The following PIK3C2G variants were observed in gnomAD, a reference collection of about 807,000 sequenced individuals.
PIK3C2G encodes phosphatidylinositol 3-kinase C2 domain-containing subunit gamma.
A neutral mutation model predicts 181.1 loss-of-function variants in PIK3C2G; 168 were observed. The ratio of observed to expected loss-of-function variants is 0.93; its 90% CI spans 0.82 to 1.05. The LOEUF is 1.05. Among genes scored for constraint, PIK3C2G ranks in the 50% least tolerant of loss-of-function variants. The pLI, the probability that PIK3C2G is intolerant of heterozygous loss-of-function variation, is 0.00. For synonymous variants in PIK3C2G, 573 were observed against 592.2 expected, an observed-to-expected ratio of 0.97 and a Z score of 0.47; for missense variants, 1,869 against 1,732.8, an observed-to-expected ratio of 1.08 and a Z score of -1.40.
At chr12:18,596,594 A>G (rs1014026299) in intron 30 of PIK3C2G, among the ~76,000 whole-genome samples, 2 of 152,178 alleles carry the variant, frequency 1.3e-5, no homozygotes, top group African/African-American at 2.4e-5. Flanking sequence ...GGAGTAGAAC[A>G]TGATCAAACA....
chr12:18,330,283 C>T (rs1045599351), intron 8 of PIK3C2G, among the ~76,000 whole-genome samples: 1 of 152,066 alleles, frequency 6.6e-6, no homozygotes, highest in Admixed American at 6.6e-5. Flanking sequence ...ATTTGCATTA[C>T]AAGAGAAAAT....
the PIK3C2G span, among the ~76,000 whole-genome samples, chr12:18,711,993 A>G: frequency 6.6e-6 from 1 of 152,122 alleles, no homozygotes; most frequent in East Asian, 1.9e-4. Flanking sequence ...AAATTTATAT[A>G]AATTTGTGAT....
At chr12:18,361,533 G>GA (rs35694150) in intron 11 of PIK3C2G, among the ~76,000 whole-genome samples, 27,000 of 146,156 alleles carry the variant, frequency 0.18, 2,706 homozygotes, top group Admixed American at 0.3. Flanking sequence ...GCTTCCCACT[G>GA]AAAAAAAAAA....
At chr12:18,445,592 A>G (rs1339869102) in intron 18 of PIK3C2G, among the ~76,000 whole-genome samples, 1 of 152,180 alleles carries the variant, frequency 6.6e-6, no homozygotes, top group African/African-American at 2.4e-5. Context: ...AATGCTAATT[A>G]CAGATCTACT....
At position 18,648,361 on chromosome 12, in the gene PIK3C2G, A is replaced by AT. The variant is rs1211386837; in HGVS notation, c.*338dup. On this transcript the variant is annotated 3_prime_UTR_variant, in exon 33 of 33. Coordinates refer to ENST00000538779, the MANE Select transcript of PIK3C2G (RefSeq NM_001288772.2). ...TTGTGTGCCTACAGTTAAAAGCAGT[A>AT]TTTTTAATGTATTTTATAAGAAAGA... is the stretch of plus-strand genomic sequence containing the variant. 4 of 224,922 alleles carry AT rather than the reference A, an allele frequency of 1.8e-5. No individual in the cohort carries two copies. The highest frequency in any genetic ancestry group is 3.5e-5 in the Non-Finnish European group (4 of 113,012). 13.9% of individuals were successfully genotyped at this position (224,922 alleles called of 1,614,324 possible).
intron 26 of PIK3C2G, among the ~76,000 whole-genome samples, chr12:18,551,917 C>T (rs1427932493): frequency 2.0e-5 from 3 of 152,108 alleles, no homozygotes; most frequent in African/African-American, 7.2e-5. Flanking sequence ...TAACTAGTTG[C>T]CTTTGTCCTT....
At chr12:18,276,993 G>T (rs1949013455) in intron 1 of PIK3C2G, among the ~76,000 whole-genome samples, 1 of 152,164 alleles carries the variant, frequency 6.6e-6, no homozygotes, top group Non-Finnish European at 1.5e-5. Context: ...AGCTAATCAA[G>T]ACTGTGTAAA....
chr12:18,352,580 T>A (rs1049229369), intron 11 of PIK3C2G, among the ~76,000 whole-genome samples: 55 of 152,228 alleles, frequency 3.6e-4, no homozygotes, highest in African/African-American at 1.2e-3. Context: ...CGCAGATGAC[T>A]TAAGTGTTTA....
intron 1 of PIK3C2G, among the ~76,000 whole-genome samples, chr12:18,274,083 C>T (rs975923913): frequency 1.3e-5 from 2 of 152,110 alleles, no homozygotes; most frequent in African/African-American, 4.8e-5. Flanking sequence ...CAGAGAAATG[C>T]AAATCAAAAC....
the PIK3C2G span, chr12:18,693,522 G>A: frequency 2.4e-5 from 38 of 1,611,822 alleles, no homozygotes; most frequent in South Asian, 3.7e-4. Context: ...ACTTTCTTGA[G>A]AGTGGTTGGC....
intron 11 of PIK3C2G, among the ~76,000 whole-genome samples, chr12:18,354,554 T>C (rs1333919104): frequency 6.6e-6 from 1 of 152,228 alleles, no homozygotes; most frequent in Non-Finnish European, 1.5e-5. Context: ...CCTGCACATA[T>C]GGGGTCTCAG....
chr12:18,527,546 A>G (rs1943306231), intron 24 of PIK3C2G, among the ~76,000 whole-genome samples: 1 of 152,128 alleles, frequency 6.6e-6, no homozygotes, highest in African/African-American at 2.4e-5. Context: ...TTCACCCAAG[A>G]GTTATAGCAT....
the PIK3C2G span, among the ~76,000 whole-genome samples, chr12:18,713,415 A>G: frequency 6.6e-6 from 1 of 152,206 alleles, no homozygotes; most frequent in African/African-American, 2.4e-5. Context: ...AAATATATTA[A>G]TAAAATCTTA....
At chr12:18,284,713 G>T (rs971842721) in intron 2 of PIK3C2G, among the ~76,000 whole-genome samples, 9 of 152,004 alleles carry the variant, frequency 5.9e-5, no homozygotes, top group African/African-American at 1.2e-4. Context: ...CAAGTCCAGC[G>T]CTGGAAACAA....
At chr12:18,313,753 T>A (rs1950737519) in intron 5 of PIK3C2G, among the ~76,000 whole-genome samples, 1 of 152,038 alleles carries the variant, frequency 6.6e-6, no homozygotes, top group Non-Finnish European at 1.5e-5. Flanking sequence ...TATATCTATA[T>A]TTCCTGTCAT....
chr12:18,358,686 A>C (rs1940967496), intron 11 of PIK3C2G: 1 of 491,978 alleles, frequency 2.0e-6, no homozygotes, highest in South Asian at 1.5e-5. Context: ...CAAAATCCTC[A>C]TCTCTTCCAG....
intron 31 of PIK3C2G, among the ~76,000 whole-genome samples, chr12:18,612,056 A>G (rs1053700823): frequency 6.6e-6 from 1 of 152,006 alleles, no homozygotes; most frequent in Admixed American, 6.6e-5. Context: ...GACCTGTGAG[A>G]CCCTGTCAAT....
intron 24 of PIK3C2G, among the ~76,000 whole-genome samples, chr12:18,534,946 A>T (rs1028963015): frequency 6.6e-6 from 1 of 152,092 alleles, no homozygotes; most frequent in African/African-American, 2.4e-5. Flanking sequence ...AGAAATATCT[A>T]TAGTTTATTT....
chr12:18,445,595 G>C (rs1332136484), intron 18 of PIK3C2G, among the ~76,000 whole-genome samples: 1 of 152,002 alleles, frequency 6.6e-6, no homozygotes, highest in Non-Finnish European at 1.5e-5. Context: ...GCTAATTACA[G>C]ATCTACTAAG....
Sources: gnomAD v4.1 joint callset for allele counts (sites outside exome capture counted in the v4.1 genomes callset) on GRCh38, gnomAD v4.1.1 for gene constraint, MANE v1.5 for transcripts, NCBI Gene and HGNC (gene_info 2026-07-23, HGNC 2026-07-21) for gene names.